PRMT2: variants seen among roughly 807,000 people sequenced by gnomAD.
The protein encoded by PRMT2 is protein arginine N-methyltransferase 2.
In PRMT2, 26 loss-of-function variants were observed where a neutral mutation model predicts 57.6. That is an observed-to-expected ratio of 0.45 (90% CI 0.33 to 0.63). The LOEUF is 0.63. Ranked by LOEUF, PRMT2 falls within the 20% of genes least tolerant of loss-of-function variation. The pLI, the probability that PRMT2 is intolerant of heterozygous loss-of-function variation, is 0.02. For synonymous variants in PRMT2, 219 were observed against 220.0 expected, an observed-to-expected ratio of 1.00 and a Z score of 0.04; for missense variants, 472 against 564.4, an observed-to-expected ratio of 0.84 and a Z score of 1.66.
At chr21:46,637,277 T>A (rs2061190203) in intron 3 of PRMT2, among the ~76,000 whole-genome samples, 2 of 152,234 alleles carry the variant, frequency 1.3e-5, no homozygotes, top group African/African-American at 4.8e-5. Flanking sequence ...GCAAGCATAT[T>A]TTCTGAGCTG....
chr21:46,644,381 G>T lies in PRMT2; in HGVS notation c.220G>T (p.Gly74Cys). ...AGATTGGTGGTGGGGTGAGCGTGCG[G>T]GCTGCTGTGGGTACATTCCGGCAAA... ...TADWWWGERA[G>C]CCGYIPANHV... The change falls in exon 5 of 12, where the codon GGC becomes TGC. Residue 74 changes from glycine to cysteine, a missense_variant. By Grantham distance (159) the Gly-to-Cys change is radical (BLOSUM62 -3). Coordinates refer to ENST00000355680, the MANE Select transcript of PRMT2 (RefSeq NM_206962.4). The T allele has an allele frequency of 6.2e-7, 1 of 1,612,526 alleles. No individual in the cohort carries two copies. The highest frequency in any genetic ancestry group is 8.5e-7 in the Non-Finnish European group (1 of 1,179,392).
rs904316756 is a variant in PRMT2, at chr21:46,664,535, G to A, written c.*208G>A. 2.4e-5 allele frequency: 15 copies of A among 636,234 alleles called. No homozygotes were observed. The highest frequency in any genetic ancestry group is 1.2e-4 in the Admixed American group (5 of 41,456). The allele number at this position is 636,234 out of a possible 1,614,324, so 39.4% of individuals were successfully genotyped here. A position where few individuals can be genotyped will look rare whatever the true frequency, so the allele number is the denominator to read the frequency against. ...GGCAGGAGCTGCCGTGGCCACCCCC[G>A]CTGCCCAGTGTCTGCCCTCTAGAAG... On this transcript the variant is annotated 3_prime_UTR_variant, in exon 12 of 12. Transcript: ENST00000355680.
chr21:46,659,132 G>A, intron 8 of PRMT2: 1 of 1,277,816 alleles, frequency 7.8e-7, no homozygotes, highest in Non-Finnish European at 9.9e-7. Flanking sequence ...AGAATGCAAG[G>A]AACAAAAATT....
intron 7 of PRMT2, chr21:46,652,081 C>T: frequency 6.3e-7 from 1 of 1,580,396 alleles, no homozygotes. Flanking sequence ...AGCTTTCAGT[C>T]AGTGCAGCAA....
intron 4 of PRMT2, among the ~76,000 whole-genome samples, chr21:46,644,033 G>T (rs552627857): frequency 6.6e-6 from 1 of 152,212 alleles, no homozygotes; most frequent in Non-Finnish European, 1.5e-5. Context: ...CAATGAAGAG[G>T]CTGTTGAGAA....
chr21:46,651,865 C>T (rs746730955), intron 7 of PRMT2: 14 of 1,612,614 alleles, frequency 8.7e-6, no homozygotes, highest in African/African-American at 4.0e-5. Flanking sequence ...GCCCTCTTCA[C>T]GTCCTCCTGG....
chr21:46,664,279 C>T lies in PRMT2; in HGVS notation c.1270-16C>T. 3 of 1,590,490 alleles carry T rather than the reference C, an allele frequency of 1.9e-6. No homozygotes were observed. The highest frequency in any genetic ancestry group is 2.6e-6 in the Non-Finnish European group (3 of 1,158,550). ...ATTTATCATCTGATTGACCTGTTGT[C>T]ATTTATCTTTTTCAGGTTGGAGAAA... On this transcript the variant is annotated splice_polypyrimidine_tract_variant and intron_variant, in intron 11 of 11. Coordinates refer to ENST00000355680, the MANE Select transcript of PRMT2 (RefSeq NM_206962.4).
At chr21:46,646,560 A>G (rs529433043) in intron 5 of PRMT2, among the ~76,000 whole-genome samples, 3 of 152,240 alleles carry the variant, frequency 2.0e-5, no homozygotes, top group Admixed American at 6.5e-5. Flanking sequence ...GTCACTCTTT[A>G]TAACAGCTGC....
chr21:46,660,272 A>G, intron 8 of PRMT2: 1 of 617,246 alleles, frequency 1.6e-6, no homozygotes. Context: ...TGCGGCGTCT[A>G]GTGTCTGTTT....
chr21:46,663,551 A>C lies in PRMT2; in HGVS notation c.1266A>C (p.Gln422His), dbSNP rs1378082356. 3.1e-6 allele frequency: 5 copies of C among 1,613,480 alleles called. No homozygotes were observed. The African/African-American group carries it at 6.7e-5, about 22-fold the overall frequency. Residue 422 changes from glutamine (Q) to histidine (H), a missense_variant, in exon 11 of 12, where the codon CAA (glutamine) becomes CAC (histidine). By Grantham distance (24) the Gln-to-His change is conservative. Transcript: ENST00000355680. ...CTTCCAGACAAGACCCCACATCTCA[A>C]AAAGTAAGATACGTAGTTGTAAGAT... ...AVTSRQDPTS[Q>H]KVGEKVFPIW... is the part of the protein sequence containing the mutation.
rs2061610465 is a variant in PRMT2 at position 46,660,926 on chromosome 21, G to A, written c.924G>A (p.Gln308=). The change falls in exon 9 of 12, where the codon CAG becomes CAA. Residue 308 remains glutamine (Q), a synonymous_variant. Coordinates refer to ENST00000355680, the MANE Select transcript of PRMT2 (RefSeq NM_206962.4). ...DCLSEPCTIL[Q]LDMRTVQISD... ...TCTCTGAACCGTGCACTATATTGCA[G>A]TTGGACATGAGAACCGTGCAAATTT... is the stretch of plus-strand genomic sequence containing the variant. The A allele has an allele frequency of 6.2e-7, 1 of 1,613,298 alleles. No individual in the cohort carries two copies. The highest frequency in any genetic ancestry group is 1.3e-5 in the African/African-American group (1 of 74,870).
At chr21:46,659,551 T>C (rs1054420) in intron 8 of PRMT2, 709,695 of 949,486 alleles carry the variant, frequency 0.75, 265,597 homozygotes, top group East Asian at 0.9. Context: ...CCAATAAATA[T>C]ATGAAAAATT....
At chr21:46,637,086 T>C in intron 3 of PRMT2, 96 bp downstream of exon 3, 1 of 1,388,646 alleles carries the variant, frequency 7.2e-7, no homozygotes, top group Admixed American at 2.0e-5. Flanking sequence ...GAGCTTGGCT[T>C]GTGCCTTGGA....
intron 1 of PRMT2, 190 bp from the exon 2 acceptor site, chr21:46,636,249 C>G (rs773780919): frequency 1.3e-5 from 2 of 152,436 alleles, no homozygotes; most frequent in African/African-American, 4.8e-5. Context: ...GTCCTGCGCG[C>G]ACTGCGGCCT....
At chr21:46,642,576 C>T (rs965376068) in intron 3 of PRMT2, among the ~76,000 whole-genome samples, 2 of 152,176 alleles carry the variant, frequency 1.3e-5, no homozygotes, top group Non-Finnish European at 2.9e-5. Flanking sequence ...TTGGTGTTTT[C>T]ACACATTTTC....
chr21:46,653,356 C>A, intron 7 of PRMT2: 1 of 985,392 alleles, frequency 1.0e-6, no homozygotes, highest in African/African-American at 1.7e-5. Flanking sequence ...ACACTTCAGA[C>A]TTCGGATGTA....
intron 3 of PRMT2, chr21:46,643,330 A>G (rs2061310451): frequency 2.0e-6 from 2 of 1,016,020 alleles, no homozygotes; most frequent in African/African-American, 1.7e-5. Context: ...TAGGGTCCAG[A>G]TAATTTTTTT....
intron 2 of PRMT2, 80 bp downstream of exon 2, chr21:46,636,627 C>T (rs1190704093): frequency 1.3e-5 from 4 of 313,656 alleles, no homozygotes; most frequent in African/African-American, 6.5e-5. Context: ...TAAGTCGACA[C>T]CTGATCTAAC....
At position 46,658,728 on chromosome 21, in the gene PRMT2, CTT is replaced by C. The variant is rs2061575624; in HGVS notation, c.655-15_655-14del. On this transcript the variant is annotated splice_polypyrimidine_tract_variant and intron_variant, in intron 7 of 11. Transcript: ENST00000355680. ...GGCCTGTGATGTGTCTCCTGTGTGT[CTT>C]TCACTCCTATGCAGTTTGAGTTCAT... 1.2e-6 allele frequency: 2 copies of C among 1,611,900 alleles called. No homozygotes were observed. The highest frequency in any genetic ancestry group is 2.2e-5 in the South Asian group (2 of 90,878).
Sources: allele counts gnomAD v4.1 joint callset (sites outside exome capture counted in the v4.1 genomes callset), GRCh38; gene constraint gnomAD v4.1.1; transcripts MANE v1.5; gene names NCBI Gene and HGNC (gene_info 2026-07-23, HGNC 2026-07-21).